The following ZRANB1 variants were observed in gnomAD, a reference collection of about 807,000 sequenced individuals.
ZRANB1 encodes zinc finger RANBP2-type containing 1.
A neutral mutation model predicts 80.5 loss-of-function variants in ZRANB1; 16 were observed. The observed-to-expected ratio is 0.20, with a 90% CI of 0.13 to 0.30. The LOEUF (loss-of-function observed/expected upper bound fraction) is 0.30. ZRANB1 is among the 10% of genes least tolerant of loss of function. The pLI, the probability that ZRANB1 is intolerant of heterozygous loss-of-function variation, is 1.00. For synonymous variants in ZRANB1, 291 were observed against 293.1 expected, an observed-to-expected ratio of 0.99 and a Z score of 0.07; for missense variants, 576 against 862.6, an observed-to-expected ratio of 0.67 and a Z score of 4.16.
At position 124,971,961 on chromosome 10, in the gene ZRANB1, T is replaced by A. The variant is rs1951829951; in HGVS notation, c.1003-4T>A. ...ATGAGAGGAAGGTTTCTTTTGTATTTAAGGTGTCTCAACAAGCAGCAAAGT... is the reference window on the plus strand; with the variant it reads ...ATGAGAGGAAGGTTTCTTTTGTATTAAAGGTGTCTCAACAAGCAGCAAAGT... On this transcript the variant is annotated splice_region_variant and splice_polypyrimidine_tract_variant and intron_variant, in intron 2 of 8. Coordinates refer to ENST00000359653, the MANE Select transcript of ZRANB1 (RefSeq NM_017580.3). 1 of 1,588,332 alleles carries A rather than the reference T, an allele frequency of 6.3e-7. No homozygotes were observed. The highest frequency in any genetic ancestry group is 8.6e-7 in the Non-Finnish European group (1 of 1,168,164).
the ZRANB1 span, among the ~76,000 whole-genome samples, chr10:124,922,004 C>T: frequency 6.6e-6 from 1 of 151,854 alleles, no homozygotes; most frequent in African/African-American, 2.4e-5. Flanking sequence ...CTTGCTGTGT[C>T]TCCCAGGCCA....
chr10:124,929,695 C>A, the ZRANB1 span, among the ~76,000 whole-genome samples: 1,083 of 151,706 alleles, frequency 7.1e-3, 17 homozygotes, highest in African/African-American at 0.025. Flanking sequence ...TGCCTGTAAT[C>A]CCAGCACTGT....
the ZRANB1 span, among the ~76,000 whole-genome samples, chr10:124,917,510 C>G: frequency 6.6e-6 from 1 of 152,088 alleles, no homozygotes; most frequent in East Asian, 1.9e-4. Flanking sequence ...AGCTTGTTTA[C>G]CGACCGCCGG....
chr10:124,924,910 G>GTTT, the ZRANB1 span, among the ~76,000 whole-genome samples: 1 of 141,234 alleles, frequency 7.1e-6, no homozygotes. Context: ...TCATTTTGCT[G>GTTT]TTTTTTTTTT....
the ZRANB1 span, among the ~76,000 whole-genome samples, chr10:124,928,792 G>A: frequency 6.6e-6 from 1 of 152,166 alleles, no homozygotes; most frequent in Non-Finnish European, 1.5e-5. Context: ...AAAGTAGGGT[G>A]ATGTGATGGA....
Position 124,986,611 on chromosome 10 carries a change from A to C in ZRANB1, c.*1619A>C, listed in dbSNP as rs1026026751. The C allele has an allele frequency of 6.6e-6, 1 of 152,184 alleles. No individual in the cohort carries two copies. The highest frequency in any genetic ancestry group is 1.5e-5 in the Non-Finnish European group (1 of 68,028). The allele number at this position is 152,184 out of a possible 1,614,324, so 9.4% of individuals were successfully genotyped here. A position where few individuals can be genotyped will look rare whatever the true frequency, so the allele number is the denominator to read the frequency against. On this transcript the variant is annotated 3_prime_UTR_variant, in exon 9 of 9. Transcript: ENST00000359653. The stretch of plus-strand genomic sequence containing the variant: ...TAGAAATGAATCTTTGATATAATGT[A>C]AATGCTGCTGTTTGTTTCAAGTGGT...
At chr10:124,934,567 G>A in the ZRANB1 span, among the ~76,000 whole-genome samples, 3 of 152,150 alleles carry the variant, frequency 2.0e-5, no homozygotes, top group African/African-American at 4.8e-5. Flanking sequence ...ACAATTTTGC[G>A]GCTTTTAGTA....
rs776734259 is a variant in ZRANB1, at chr10:124,981,836, A to T, written c.1548+7A>T. 28 of 1,613,174 alleles carry T rather than the reference A, an allele frequency of 1.7e-5. No homozygotes were observed. The East Asian group carries it at 6.2e-4, about 36-fold the overall frequency. On this transcript the variant is annotated splice_region_variant and intron_variant, in intron 6 of 8. Coordinates refer to ENST00000359653, the MANE Select transcript of ZRANB1 (RefSeq NM_017580.3). ...ACTCTCTCTTGCTAGTCAGGTGAGG[A>T]TGCTTCAAGTCTTGTTGCTTCTATG...
the ZRANB1 span, among the ~76,000 whole-genome samples, chr10:124,926,597 G>C: frequency 6.6e-6 from 1 of 152,100 alleles, no homozygotes; most frequent in African/African-American, 2.4e-5. Flanking sequence ...CCTCCTGAAG[G>C]ACCTGCCTAG....
At chr10:124,947,091 C>T (rs1166876183) in intron 1 of ZRANB1, among the ~76,000 whole-genome samples, 3 of 152,126 alleles carry the variant, frequency 2.0e-5, no homozygotes, top group Non-Finnish European at 2.9e-5. Context: ...TCAGCAGTAT[C>T]GAGCAAACAT....
In ZRANB1 at chr10:124,965,760, T is replaced by G. The variant is rs528068660; in HGVS notation, c.815-834T>G. Among the ~76,000 whole-genome samples, 23 of 152,328 alleles carry G rather than the reference T, an allele frequency of 1.5e-4. 1 individual carries two copies. In the East Asian group the frequency reaches 4.1e-3, roughly 27 times the overall value. Reference sequence around the variant, plus strand: ...TTTTGTGGTAAATTGGAAGCTAATCTACTGTTTCTTTGCCCAGGCTGATAC... The same window carrying G: ...TTTTGTGGTAAATTGGAAGCTAATCGACTGTTTCTTTGCCCAGGCTGATAC... On this transcript the variant is annotated intron_variant, in intron 1 of 8. Transcript: ENST00000359653.
the ZRANB1 span, among the ~76,000 whole-genome samples, chr10:124,919,991 T>G: frequency 7.5e-6 from 1 of 132,952 alleles, no homozygotes; most frequent in Admixed American, 8.0e-5. Flanking sequence ...ATGATCTCGG[T>G]TCACTACAAC....
chr10:124,963,557 T>TTTTTTTTTTTTTTTTTTTTTTTG (rs1951753425), intron 1 of ZRANB1, among the ~76,000 whole-genome samples: 6 of 111,986 alleles, frequency 5.4e-5, no homozygotes, highest in South Asian at 2.5e-4. Context: ...TTTGTTTGTT[T>TTTTTTTTTTTTTTTTTTTTTTTG]TTTTTTTTTT....
At chr10:124,938,766 G>A (rs1352032382), upstream of ZRANB1, among the ~76,000 whole-genome samples, 3 of 150,534 alleles carry the variant, frequency 2.0e-5, no homozygotes, top group African/African-American at 4.9e-5. Flanking sequence ...AAGCACAGTA[G>A]CACAATCATA....
At chr10:124,969,464 G>A (rs900553860) in intron 2 of ZRANB1, among the ~76,000 whole-genome samples, 1 of 152,116 alleles carries the variant, frequency 6.6e-6, no homozygotes, top group Non-Finnish European at 1.5e-5. Flanking sequence ...AGAATGCTCA[G>A]CCAAGTTCTT....
intron 1 of ZRANB1, among the ~76,000 whole-genome samples, chr10:124,963,554 G>GTTTTTT (rs760813299): frequency 1.4e-3 from 82 of 57,520 alleles, no homozygotes; most frequent in Non-Finnish European, 2.3e-3. Flanking sequence ...TTTTTTGTTT[G>GTTTTTT]TTTTTTTTTT....
In ZRANB1 at chr10:124,985,557, T is replaced by A. The variant is rs1416534376; in HGVS notation, c.*565T>A. On this transcript the variant is annotated 3_prime_UTR_variant, in exon 9 of 9. Transcript: ENST00000359653. ...TTCCTCTTGTGCCCAATCAAATCTT[T>A]TAGGAACAAACTGCAAGAAAAGCTA... is the stretch of plus-strand genomic sequence containing the variant. 1 of 152,662 alleles carries A rather than the reference T, an allele frequency of 6.6e-6. No individual in the cohort carries two copies. Among genetic ancestry groups the A allele is most frequent in the African/African-American group, 2.4e-5 (1 of 41,454 alleles). 9.5% of individuals were successfully genotyped at this position (152,662 alleles called of 1,614,324 possible).
At chr10:124,953,923 A>G (rs372577774) in intron 1 of ZRANB1, among the ~76,000 whole-genome samples, 4 of 150,764 alleles carry the variant, frequency 2.7e-5, no homozygotes, top group African/African-American at 9.7e-5. Flanking sequence ...CTACTGAAAG[A>G]TACTCTTCTG....
At position 124,986,616 on chromosome 10, in the gene ZRANB1, C is replaced by T. The variant is rs1415757071; in HGVS notation, c.*1624C>T. On this transcript the variant is annotated 3_prime_UTR_variant, in exon 9 of 9. Transcript: ENST00000359653. ...ATGAATCTTTGATATAATGTAAATG[C>T]TGCTGTTTGTTTCAAGTGGTGAATG... The T allele has an allele frequency of 6.6e-6, 1 of 152,076 alleles. No homozygotes were observed. The highest frequency in any genetic ancestry group is 1.5e-5 in the Non-Finnish European group (1 of 68,016). 9.4% of individuals were successfully genotyped at this position (152,076 alleles called of 1,614,324 possible). A position where few individuals can be genotyped will look rare whatever the true frequency, so the allele number is the denominator to read the frequency against.
Sources: allele counts gnomAD v4.1 joint callset (sites outside exome capture counted in the v4.1 genomes callset), GRCh38; gene constraint gnomAD v4.1.1; transcripts MANE v1.5; gene names NCBI Gene and HGNC (gene_info 2026-07-23, HGNC 2026-07-21).